The following TCERG1L variants were observed in gnomAD, a reference collection of about 807,000 sequenced individuals.
TCERG1L encodes transcription elongation regulator 1-like protein.
A neutral mutation model predicts 56.3 loss-of-function variants in TCERG1L; 37 were observed. The observed-to-expected ratio is 0.66, with a 90% CI of 0.51 to 0.87. The LOEUF is 0.87. Among genes scored for constraint, TCERG1L ranks in the 40% least tolerant of loss-of-function variants. The pLI, the probability that TCERG1L is intolerant of heterozygous loss-of-function variation, is 0.00. For synonymous variants in TCERG1L, 324 were observed against 326.3 expected (o/e 0.99, Z 0.08); for missense variants, 799 against 774.2 (o/e 1.03, Z -0.38).
chr10:131,223,695 GAC>G (rs201993422), intron 4 of TCERG1L, among the ~76,000 whole-genome samples: 8 of 75,130 alleles, frequency 1.1e-4, no homozygotes, highest in Admixed American at 3.2e-4. Context: ...CACGCATACA[GAC>G]ACACACACAT....
chr10:131,190,211 TAGAATA>T (rs1845289276), intron 4 of TCERG1L, among the ~76,000 whole-genome samples: 1 of 152,094 alleles, frequency 6.6e-6, no homozygotes. Context: ...ACAACCCTCT[TAGAATA>T]AATCAGGAGG....
chr10:131,274,222 A>G (rs1589768979), intron 3 of TCERG1L, among the ~76,000 whole-genome samples: 1 of 152,194 alleles, frequency 6.6e-6, no homozygotes, highest in Admixed American at 6.5e-5. Context: ...TTCATATTCT[A>G]AAACGATCAT....
chr10:131,168,179 T>TGC (rs1564806127), intron 4 of TCERG1L, among the ~76,000 whole-genome samples: 1 of 152,208 alleles, frequency 6.6e-6, no homozygotes, highest in Non-Finnish European at 1.5e-5. Flanking sequence ...GGTGCGTATA[T>TGC]GCACACACAC....
At chr10:131,115,893 T>C (rs1207809741) in intron 9 of TCERG1L, among the ~76,000 whole-genome samples, 1 of 152,162 alleles carries the variant, frequency 6.6e-6, no homozygotes, top group Non-Finnish European at 1.5e-5. Context: ...TGGGTCCCCA[T>C]GGCAGCTCCA....
intron 4 of TCERG1L, among the ~76,000 whole-genome samples, chr10:131,253,891 T>G (rs1034802023): frequency 1.3e-5 from 2 of 152,074 alleles, no homozygotes; most frequent in Admixed American, 6.6e-5. Flanking sequence ...GGGTGTGACA[T>G]GCCAGTGGGG....
intron 7 of TCERG1L, among the ~76,000 whole-genome samples, chr10:131,135,776 G>A (rs937583068): frequency 1.3e-5 from 2 of 152,242 alleles, no homozygotes; most frequent in Non-Finnish European, 2.9e-5. Context: ...CAAGGCTGCA[G>A]TATCCATCAT....
intron 8 of TCERG1L, among the ~76,000 whole-genome samples, chr10:131,127,178 C>T (rs1845573475): frequency 6.6e-6 from 1 of 152,168 alleles, no homozygotes; most frequent in Non-Finnish European, 1.5e-5. Flanking sequence ...GTTTTTATCT[C>T]CCCAGAGTCT....
At chr10:131,254,061 G>GA in intron 4 of TCERG1L, among the ~76,000 whole-genome samples, 1 of 152,278 alleles carries the variant, frequency 6.6e-6, no homozygotes, top group South Asian at 2.1e-4. Context: ...AACAGTGGGG[G>GA]AACCACTGGC....
chr10:131,109,396 G>A (rs76021541), intron 9 of TCERG1L, among the ~76,000 whole-genome samples: 2,978 of 152,190 alleles, frequency 0.02, 90 homozygotes, highest in African/African-American at 0.065. Flanking sequence ...TGACGTGGCC[G>A]TGTCTGTGAC....
chr10:131,138,633 G>C (rs1398588124), intron 7 of TCERG1L, among the ~76,000 whole-genome samples: 1 of 152,202 alleles, frequency 6.6e-6, no homozygotes, highest in African/African-American at 2.4e-5. Context: ...TGCAAACGGA[G>C]TTAACTGTAC....
intron 3 of TCERG1L, among the ~76,000 whole-genome samples, chr10:131,274,240 C>T (rs1846370421): frequency 6.6e-6 from 1 of 152,210 alleles, no homozygotes; most frequent in South Asian, 2.1e-4. Flanking sequence ...CATTCTGTTT[C>T]TTCAAAATGA....
intron 7 of TCERG1L, among the ~76,000 whole-genome samples, chr10:131,138,518 A>G (rs1349213613): frequency 2.0e-5 from 3 of 152,202 alleles, no homozygotes; most frequent in Non-Finnish European, 2.9e-5. Context: ...CTACTTTTCA[A>G]CAAAAAACTC....
chr10:131,309,945 TC>T (rs977119454), intron 1 of TCERG1L, among the ~76,000 whole-genome samples: 14 of 150,696 alleles, frequency 9.3e-5, no homozygotes, highest in African/African-American at 2.7e-4. Flanking sequence ...GCACCGTCTC[TC>T]TAATTAAAAT....
intron 4 of TCERG1L, among the ~76,000 whole-genome samples, chr10:131,235,411 A>G (rs182889747): frequency 6.6e-6 from 1 of 152,322 alleles, no homozygotes; most frequent in Admixed American, 6.5e-5. Context: ...TAAAAGGAAG[A>G]GGGGTGTCAT....
chr10:131,224,594 G>A (rs1241661746), intron 4 of TCERG1L, among the ~76,000 whole-genome samples: 1 of 152,164 alleles, frequency 6.6e-6, no homozygotes, highest in Non-Finnish European at 1.5e-5. Flanking sequence ...ATGTCCTCAG[G>A]GCTGGACTAA....
chr10:131,256,988 G>GAAAGAAAGAAA (rs1324002284), intron 4 of TCERG1L, among the ~76,000 whole-genome samples: 2 of 72,850 alleles, frequency 2.7e-5, no homozygotes, highest in African/African-American at 5.1e-5. Flanking sequence ...AAGGAAGGAA[G>GAAAGAAAGAAA]GAAGGAAAGA....
chr10:131,281,677 T>C (rs1204101219), intron 3 of TCERG1L, among the ~76,000 whole-genome samples: 1 of 151,980 alleles, frequency 6.6e-6, no homozygotes, highest in Non-Finnish European at 1.5e-5. Context: ...CCCTGGCTAC[T>C]CTCCCGACGC....
At chr10:131,151,484 G>A (rs1209716997) in intron 6 of TCERG1L, among the ~76,000 whole-genome samples, 1 of 152,132 alleles carries the variant, frequency 6.6e-6, no homozygotes, top group Non-Finnish European at 1.5e-5. Context: ...TCACATCCAG[G>A]TCATGCTGAT....
chr10:131,296,328 AAGAC>A (rs1355148918), intron 3 of TCERG1L, among the ~76,000 whole-genome samples: 1 of 152,342 alleles, frequency 6.6e-6, no homozygotes, highest in East Asian at 1.9e-4. Context: ...GCTTATTTTG[AAGAC>A]AGACAGATGT....
Sources: allele counts gnomAD v4.1 joint callset (sites outside exome capture counted in the v4.1 genomes callset), GRCh38; gene constraint gnomAD v4.1.1; transcripts MANE v1.5; gene names NCBI Gene and HGNC (gene_info 2026-07-23, HGNC 2026-07-21).